Variants in REDIC1 observed in about 807,000 individuals in gnomAD.
REDIC1 encodes the protein HEI10 Interacting Protein 1.
At chr12:39,683,613 G>C in the REDIC1 span, 1 of 674,278 alleles carries the variant, frequency 1.5e-6, no homozygotes, top group African/African-American at 1.8e-5. Context: ...GGTCTCAAAG[G>C]AGCCTTACCA....
At chr12:39,887,656 C>T in the REDIC1 span, among the ~76,000 whole-genome samples, 9 of 152,138 alleles carry the variant, frequency 5.9e-5, no homozygotes, top group South Asian at 2.1e-4. Flanking sequence ...CAGTGACCAT[C>T]GCTTAGGTTA....
chr12:39,869,297 T>A, the REDIC1 span, among the ~76,000 whole-genome samples: 1 of 152,186 alleles, frequency 6.6e-6, no homozygotes. Flanking sequence ...AAAGGTCCAT[T>A]GGTCATTATC....
the REDIC1 span, chr12:39,764,928 A>T: frequency 1.3e-6 from 2 of 1,517,058 alleles, no homozygotes; most frequent in Non-Finnish European, 1.8e-6. Flanking sequence ...CAATATGATC[A>T]TATTTATGTA....
At chr12:39,647,810 T>C in the REDIC1 span, 46 of 1,592,344 alleles carry the variant, frequency 2.9e-5, 1 homozygote, top group South Asian at 4.4e-4. Context: ...CATGGACTCA[T>C]ATAGTATGCT....
chr12:39,903,760 C>G, the REDIC1 span, among the ~76,000 whole-genome samples: 1 of 152,006 alleles, frequency 6.6e-6, no homozygotes, highest in Non-Finnish European at 1.5e-5. Context: ...AAGCTCTATT[C>G]CTAGATTGTT....
the REDIC1 span, chr12:39,640,861 T>G: frequency 4.8e-6 from 4 of 829,738 alleles, no homozygotes; most frequent in East Asian, 1.0e-4. Context: ...CACTTTTAGA[T>G]TTTAACTCTA....
At chr12:39,674,891 T>C in the REDIC1 span, among the ~76,000 whole-genome samples, 1 of 152,202 alleles carries the variant, frequency 6.6e-6, no homozygotes, top group African/African-American at 2.4e-5. Context: ...TGAATTTTCA[T>C]GAGCAGAATC....
At chr12:39,839,437 T>C in the REDIC1 span, among the ~76,000 whole-genome samples, 1 of 152,084 alleles carries the variant, frequency 6.6e-6, no homozygotes, top group African/African-American at 2.4e-5. Context: ...CTGGTACTAA[T>C]TTCATGAAGC....
chr12:39,777,819 C>A, the REDIC1 span, among the ~76,000 whole-genome samples: 2 of 152,178 alleles, frequency 1.3e-5, no homozygotes, highest in Non-Finnish European at 2.9e-5. Flanking sequence ...GTAAATAAAA[C>A]CTGCTCAATA....
At chr12:39,630,984 C>A in the REDIC1 span, among the ~76,000 whole-genome samples, 1 of 152,048 alleles carries the variant, frequency 6.6e-6, no homozygotes, top group Non-Finnish European at 1.5e-5. Context: ...TATAAACTAC[C>A]ATTAATAGTT....
At chr12:39,727,875 T>G in the REDIC1 span, among the ~76,000 whole-genome samples, 1 of 152,182 alleles carries the variant, frequency 6.6e-6, no homozygotes, top group Non-Finnish European at 1.5e-5. Flanking sequence ...TCACATCCCA[T>G]GTAATTTGTA....
the REDIC1 span, among the ~76,000 whole-genome samples, chr12:39,780,357 T>C: frequency 1.1e-4 from 17 of 152,296 alleles, no homozygotes; most frequent in East Asian, 3.1e-3. Context: ...TTACTTTTTA[T>C]GGAATTTGAA....
the REDIC1 span, among the ~76,000 whole-genome samples, chr12:39,846,955 T>A: frequency 6.6e-6 from 1 of 152,152 alleles, no homozygotes; most frequent in Non-Finnish European, 1.5e-5. Context: ...TTCAGATCAC[T>A]CATTTTGAAC....
the REDIC1 span, among the ~76,000 whole-genome samples, chr12:39,703,874 T>C: frequency 2.0e-5 from 3 of 152,176 alleles, no homozygotes; most frequent in Non-Finnish European, 4.4e-5. Flanking sequence ...GCTAGCCATA[T>C]GTAGAAAGCT....
At chr12:39,681,407 AACC>A in the REDIC1 span, among the ~76,000 whole-genome samples, 2 of 152,188 alleles carry the variant, frequency 1.3e-5, no homozygotes, top group East Asian at 3.9e-4. Context: ...AAATCTCAGT[AACC>A]ACCACTAAAG....
At chr12:39,760,018 G>C in the REDIC1 span, 1 of 1,604,044 alleles carries the variant, frequency 6.2e-7, no homozygotes, top group Non-Finnish European at 8.5e-7. Context: ...TATATGAGCA[G>C]CTGAAAATTA....
At chr12:39,896,477 T>TGTAC in the REDIC1 span, among the ~76,000 whole-genome samples, 45 of 143,060 alleles carry the variant, frequency 3.1e-4, 1 homozygote, top group African/African-American at 1.1e-3. Context: ...CATATATGTA[T>TGTAC]ATGTGTATAT....
At chr12:39,710,782 C>T in the REDIC1 span, among the ~76,000 whole-genome samples, 1 of 151,740 alleles carries the variant, frequency 6.6e-6, no homozygotes, top group African/African-American at 2.4e-5. Context: ...GTATATCTTT[C>T]TCCATTACAA....
the REDIC1 span, among the ~76,000 whole-genome samples, chr12:39,651,002 A>G: frequency 1.3e-5 from 2 of 152,210 alleles, no homozygotes; most frequent in African/African-American, 4.8e-5. Context: ...CTATATATAC[A>G]GTACAGTAGT....
Sources: gnomAD v4.1 joint callset for allele counts (sites outside exome capture counted in the v4.1 genomes callset) on GRCh38, gnomAD v4.1.1 for gene constraint, MANE v1.5 for transcripts, NCBI Gene and HGNC (gene_info 2026-07-23, HGNC 2026-07-21) for gene names.